Variants in CADM2 observed in about 807,000 individuals in gnomAD.
The protein encoded by CADM2 is cell adhesion molecule 2, also known as immunoglobulin superfamily member 4D.
CADM2 carries 12 observed loss-of-function variants against 49.8 expected under a neutral mutation model. That is an observed-to-expected ratio of 0.24 (90% CI 0.15 to 0.39). The LOEUF (loss-of-function observed/expected upper bound fraction) is 0.39, where lower values mean the gene tolerates loss of function less well. CADM2 is among the 10% of genes least tolerant of loss of function. CADM2 has a pLI of 1.00. For synonymous variants in CADM2, 214 were observed against 175.4 expected, an observed-to-expected ratio of 1.22 and a Z score of -1.74; for missense variants, 378 against 492.3, an observed-to-expected ratio of 0.77 and a Z score of 2.20.
intron 7 of CADM2, among the ~76,000 whole-genome samples, chr3:85,945,385 T>G (rs1051586958): frequency 6.6e-6 from 1 of 152,110 alleles, no homozygotes; most frequent in South Asian, 2.1e-4. Context: ...CTGAAACTAT[T>G]CCAATCAATA....
At chr3:85,725,895 A>C (rs2107781216) in intron 1 of CADM2, among the ~76,000 whole-genome samples, 1 of 152,136 alleles carries the variant, frequency 6.6e-6, no homozygotes, top group Non-Finnish European at 1.5e-5. Flanking sequence ...TTAAGGTAAT[A>C]TTTTACAGCA....
At chr3:84,990,641 G>A (rs1340531820) in intron 1 of CADM2, among the ~76,000 whole-genome samples, 1 of 151,918 alleles carries the variant, frequency 6.6e-6, no homozygotes, top group Non-Finnish European at 1.5e-5. Context: ...TAATTTTTAA[G>A]TATGTATTCA....
chr3:85,195,364 A>G (rs1262231270), intron 1 of CADM2, among the ~76,000 whole-genome samples: 1 of 152,088 alleles, frequency 6.6e-6, no homozygotes, highest in Non-Finnish European at 1.5e-5. Flanking sequence ...CACCATATCT[A>G]TGAGCAGTTT....
chr3:85,726,807 G>A (rs1345367232), intron 2 of CADM2, among the ~76,000 whole-genome samples: 1 of 151,960 alleles, frequency 6.6e-6, no homozygotes, highest in East Asian at 1.9e-4. Flanking sequence ...GTGCAATAAA[G>A]TGCTTTTTTT....
At chr3:85,099,676 G>A (rs1278091302) in intron 1 of CADM2, among the ~76,000 whole-genome samples, 2 of 152,036 alleles carry the variant, frequency 1.3e-5, no homozygotes, top group African/African-American at 2.4e-5. Context: ...CACCATGTTG[G>A]CCAGGCTAGT....
At chr3:85,748,323 A>G (rs1197932851) in intron 2 of CADM2, among the ~76,000 whole-genome samples, 1 of 150,902 alleles carries the variant, frequency 6.6e-6, no homozygotes, top group Non-Finnish European at 1.5e-5. Flanking sequence ...TATCTTATTT[A>G]TGTCTAGACA....
chr3:85,500,626 T>C (rs2040076767), intron 1 of CADM2, among the ~76,000 whole-genome samples: 1 of 151,924 alleles, frequency 6.6e-6, no homozygotes, highest in Non-Finnish European at 1.5e-5. Flanking sequence ...CACGTCATTC[T>C]CCTGCCTCAG....
At chr3:84,971,300 T>G (rs1575944295) in intron 1 of CADM2, among the ~76,000 whole-genome samples, 1 of 152,172 alleles carries the variant, frequency 6.6e-6, no homozygotes, top group African/African-American at 2.4e-5. Context: ...CAAAAAGTAT[T>G]GATTTTACGG....
At chr3:85,719,332 A>G (rs146415779) in intron 1 of CADM2, among the ~76,000 whole-genome samples, 1 of 152,296 alleles carries the variant, frequency 6.6e-6, no homozygotes, top group East Asian at 1.9e-4. Context: ...AAATTGTAAT[A>G]CAGTTTACCC....
intron 1 of CADM2, among the ~76,000 whole-genome samples, chr3:85,095,440 T>C (rs1015531735): frequency 2.0e-5 from 3 of 152,148 alleles, no homozygotes; most frequent in Admixed American, 6.6e-5. Context: ...CATTCTCCTA[T>C]TGTTTCACTT....
chr3:85,700,917 G>A (rs1181494937), intron 1 of CADM2, among the ~76,000 whole-genome samples: 1 of 151,944 alleles, frequency 6.6e-6, no homozygotes, highest in Admixed American at 6.6e-5. Flanking sequence ...TCACAATTTC[G>A]GATATCTTTA....
At chr3:85,908,566 A>G (rs926977439) in intron 5 of CADM2, among the ~76,000 whole-genome samples, 1 of 152,046 alleles carries the variant, frequency 6.6e-6, no homozygotes, top group Non-Finnish European at 1.5e-5. Context: ...AAATTTTATT[A>G]TAGAAAATTT....
intron 1 of CADM2, among the ~76,000 whole-genome samples, chr3:84,992,609 C>T (rs1279563077): frequency 6.6e-6 from 1 of 152,088 alleles, no homozygotes; most frequent in East Asian, 1.9e-4. Flanking sequence ...AGCCTGGTGA[C>T]AGAGTGAGAC....
intron 1 of CADM2, among the ~76,000 whole-genome samples, chr3:85,010,437 T>G (rs2033933291): frequency 6.6e-6 from 1 of 152,146 alleles, no homozygotes; most frequent in South Asian, 2.1e-4. Context: ...ACAGAATAAC[T>G]TAAGCCACCT....
At chr3:85,011,138 A>G (rs991753175) in intron 1 of CADM2, among the ~76,000 whole-genome samples, 1 of 151,994 alleles carries the variant, frequency 6.6e-6, no homozygotes, top group Non-Finnish European at 1.5e-5. Flanking sequence ...TGCTGGGATC[A>G]CAGGCGTGAG....
chr3:85,499,717 T>C (rs1434313636), intron 1 of CADM2, among the ~76,000 whole-genome samples: 1 of 152,104 alleles, frequency 6.6e-6, no homozygotes, highest in East Asian at 1.9e-4. Context: ...TTCTATTTTC[T>C]TTCCTAATGT....
chr3:85,671,333 G>A (rs1454137013), intron 1 of CADM2, among the ~76,000 whole-genome samples: 1 of 152,140 alleles, frequency 6.6e-6, no homozygotes, highest in African/African-American at 2.4e-5. Flanking sequence ...GAGGAGAATA[G>A]GCTGTATGAT....
intron 1 of CADM2, among the ~76,000 whole-genome samples, chr3:85,614,411 A>G (rs570768553): frequency 1.3e-5 from 2 of 151,916 alleles, no homozygotes; most frequent in East Asian, 1.9e-4. Context: ...AGTAAACTTC[A>G]TTTGCAGAGA....
intron 1 of CADM2, among the ~76,000 whole-genome samples, chr3:85,634,574 G>A (rs186860667): frequency 6.6e-6 from 1 of 152,098 alleles, no homozygotes; most frequent in African/African-American, 2.4e-5. Flanking sequence ...TCAAAGTTGA[G>A]TTAGTGCAGT....
Sources: allele counts gnomAD v4.1 joint callset (sites outside exome capture counted in the v4.1 genomes callset), GRCh38; gene constraint gnomAD v4.1.1; transcripts MANE v1.5; gene names NCBI Gene and HGNC (gene_info 2026-07-23, HGNC 2026-07-21).